Variants in NISCH observed in about 807,000 individuals in gnomAD.
The protein encoded by NISCH is nischarin, also known as I-1 receptor candidate protein.
In NISCH, 55 loss-of-function variants were observed where a neutral mutation model predicts 138.4. The observed-to-expected ratio is 0.40, with a 90% CI of 0.32 to 0.50. NISCH has a LOEUF of 0.50. Ranked by LOEUF, NISCH falls within the 20% of genes least tolerant of loss-of-function variation. The pLI is 0.71. For synonymous variants in NISCH, 860 were observed against 861.5 expected, an observed-to-expected ratio of 1.00 and a Z score of 0.03; for missense variants, 1,643 against 2,005.5, an observed-to-expected ratio of 0.82 and a Z score of 3.45.
rs745659335 is a variant in NISCH at position 52,488,247 on chromosome 3, G to A, written c.2755G>A (p.Val919Ile). 1.1e-5 allele frequency: 18 copies of A among 1,611,118 alleles called. No homozygotes were observed. Among genetic ancestry groups the A allele is most frequent in the South Asian group, 3.3e-5 (3 of 91,084 alleles). The change falls in exon 16 of 21, where the codon GTC becomes ATC. Residue 919 changes from valine (V) to isoleucine (I), a missense_variant. Val to Ile is a conservative substitution (Grantham distance 29, BLOSUM62 3). Transcript: ENST00000345716. ...WLLLTPQHLNVIKADFNPMPN... is the reference protein window; with the variant it reads ...WLLLTPQHLNIIKADFNPMPN... ...GTTGCTCACGCCCCAGCACCTCAAC[G>A]TCATCAAGGCCGACTTCAACCCCAT...
chr3:52,487,200 G>A lies in NISCH; in HGVS notation c.1708G>A (p.Glu570Lys), dbSNP rs1247483537. Residue 570 changes from glutamate to lysine, a missense_variant, in exon 16 of 21, where the codon GAA (glutamate) becomes AAA (lysine). Coordinates refer to ENST00000345716, the MANE Select transcript of NISCH (RefSeq NM_007184.4). The surrounding 1 kb of genome is among the most constrained non-coding windows in gnomAD (Gnocchi z 9.1). ...ACCTGGCCTCTCCCTGCACAGCCCA[G>A]AACATGCCGAGCCGGAGGTCCAGGT... is the stretch of plus-strand genomic sequence containing the variant. Reference protein sequence around the residue: ...VPGAVGGASPEHAEPEVQVVP... With the variant: ...VPGAVGGASPKHAEPEVQVVP... The A allele has an allele frequency of 1.2e-6, 2 of 1,613,198 alleles. No homozygotes were observed. The highest frequency in any genetic ancestry group is 1.7e-6 in the Non-Finnish European group (2 of 1,179,688).
chr3:52,491,941 T>C lies in NISCH; in HGVS notation c.3974T>C (p.Ile1325Thr), dbSNP rs774704457. Residue 1325 changes from isoleucine to threonine, a missense_variant, in exon 21 of 21, where the codon ATT becomes ACT. Physicochemically the swap from Ile to Thr is moderately conservative, Grantham distance 89 (BLOSUM62 -1). Coordinates refer to ENST00000345716, the MANE Select transcript of NISCH (RefSeq NM_007184.4). ...VKFTYPSEEE[I>T]GDLTFTVAQK... is the part of the protein sequence containing the mutation. ...TTTACCTACCCCAGTGAGGAGGAGA[T>C]TGGGGACCTGACGTTCACTGTGGCC... is the stretch of plus-strand genomic sequence containing the variant. 18 of 1,613,404 alleles carry C rather than the reference T, an allele frequency of 1.1e-5. No homozygotes were observed. The highest frequency in any genetic ancestry group is 3.3e-5 in the South Asian group (3 of 91,078).
At chr3:52,480,951 G>A in intron 13 of NISCH, 5 of 1,523,246 alleles carry the variant, frequency 3.3e-6, no homozygotes, top group Middle Eastern at 1.7e-4. Context: ...CGGAAGAGGG[G>A]AGGGTGTGCC....
chr3:52,463,797 C>G (rs558135141), intron 3 of NISCH, among the ~76,000 whole-genome samples: 3 of 140,764 alleles, frequency 2.1e-5, no homozygotes, highest in African/African-American at 7.8e-5. Context: ...GATCCCGGCT[C>G]ACTGCAACCT....
In NISCH at chr3:52,488,096, G is replaced by A; in HGVS notation, c.2604G>A (p.Val868=). 6.2e-7 allele frequency: 1 copy of A among 1,612,908 alleles called. No individual in the cohort carries two copies. Among genetic ancestry groups the A allele is most frequent in the South Asian group, 1.1e-5 (1 of 91,088 alleles). ...VYLVYSDKRM[V]QTAAGDYSGN... Reference sequence around the variant, plus strand: ...TGGTCTACAGTGACAAGCGCATGGTGCAGACGGCCGCCGGGGACTACTCAG... The same window carrying A: ...TGGTCTACAGTGACAAGCGCATGGTACAGACGGCCGCCGGGGACTACTCAG... The change falls in exon 16 of 21, where the codon GTG becomes GTA. Residue 868 remains valine, a synonymous_variant. Transcript: ENST00000345716.
intron 15 of NISCH, chr3:52,486,421 AAC>A (rs1397149817): frequency 1.3e-5 from 2 of 150,380 alleles, no homozygotes; most frequent in African/African-American, 4.9e-5. Flanking sequence ...TGGCTAGAAT[AAC>A]AGTTACTTTT....
chr3:52,457,358 G>C (rs1578270187), intron 1 of NISCH, among the ~76,000 whole-genome samples: 1 of 152,184 alleles, frequency 6.6e-6, no homozygotes, highest in East Asian at 1.9e-4. Context: ...CAGTTGAAAG[G>C]GTTGGAAAAT....
chr3:52,455,663 G>T lies in NISCH; in HGVS notation c.22G>T (p.Gly8Trp). 1 of 1,353,802 alleles carries T rather than the reference G, an allele frequency of 7.4e-7. No individual in the cohort carries two copies. The allele number at this position is 1,353,802 out of a possible 1,614,324, so 83.9% of individuals were successfully genotyped here. A position where few individuals can be genotyped will look rare whatever the true frequency, so the allele number is the denominator to read the frequency against. ...GAACATGGCGACCGCGCGCACCTTC[G>T]GGCCCGAGCGGGAAGCCGAGCCGGC... MATARTF[G>W]PEREAEPAKE... The change falls in exon 1 of 21, where the codon GGG (glycine) becomes TGG (tryptophan). Residue 8 changes from glycine to tryptophan, a missense_variant. Transcript: ENST00000345716.
intron 19 of NISCH, 73 bp downstream of exon 19, chr3:52,490,906 C>A: frequency 6.3e-7 from 1 of 1,579,718 alleles, no homozygotes. Flanking sequence ...ACCTTCCGTA[C>A]GTGGGTGGGT....
Position 52,456,168 on chromosome 3 carries a change from A to G in NISCH, c.93+434A>G, listed in dbSNP as rs76859466. ...ATCAGGGAAAAGGGTCAGGCTTCGC[A>G]GGCCTTGAAGAAAGAGAAGGCGTCA... On this transcript the variant is annotated intron_variant, in intron 1 of 20. Transcript: ENST00000345716. Among the ~76,000 whole-genome samples the G allele has an allele frequency of 9.5e-4, 144 of 152,192 alleles. 3 individuals are homozygous for G. The East Asian group carries it at 0.026, about 27-fold the overall frequency.
rs185921756 is a variant in NISCH, at chr3:52,464,181, T to C, written c.360+5337T>C. On this transcript the variant is annotated intron_variant, in intron 3 of 20. Coordinates refer to ENST00000345716, the MANE Select transcript of NISCH (RefSeq NM_007184.4). ...GGAAGGCTGAGGTGGGCGGATCACTTGAGGCCTGGAGTTCGAGACCAGCCT... is the reference window on the plus strand; with the variant it reads ...GGAAGGCTGAGGTGGGCGGATCACTCGAGGCCTGGAGTTCGAGACCAGCCT... 6.6e-3 allele frequency among the ~76,000 whole-genome samples: 1,007 copies of C among 151,852 alleles called. 48 individuals carry two copies. The highest frequency in any genetic ancestry group is 0.063 in the Admixed American group (963 of 15,254).
At position 52,490,048 on chromosome 3, in the gene NISCH, A is replaced by G. The variant is rs769861479; in HGVS notation, c.3457-27A>G. On this transcript the variant is annotated intron_variant, in intron 17 of 20. Coordinates refer to ENST00000345716, the MANE Select transcript of NISCH (RefSeq NM_007184.4). ...TATGTGCAGGTTGCTAGGGTGGTGGAGCTGACAGGAGGCCCCCCGTCTTCA... is the reference window on the plus strand; with the variant it reads ...TATGTGCAGGTTGCTAGGGTGGTGGGGCTGACAGGAGGCCCCCCGTCTTCA... The G allele has an allele frequency of 9.3e-6, 15 of 1,612,278 alleles. No individual in the cohort carries two copies. In the South Asian group the frequency reaches 1.5e-4, roughly 17 times the overall value.
chr3:52,477,805 A>G (rs1262477051), intron 9 of NISCH, 163 bp downstream of exon 9: 2 of 656,844 alleles, frequency 3.0e-6, no homozygotes, highest in Non-Finnish European at 5.4e-6. Context: ...TTGTTGCTCT[A>G]GTTCCAAAGA....
chr3:52,486,338 A>T (rs1424356278), intron 15 of NISCH: 1 of 153,018 alleles, frequency 6.5e-6, no homozygotes, highest in Non-Finnish European at 1.5e-5. Context: ...CTGGTCTCGA[A>T]CTCCTGAACT....
At chr3:52,481,011 C>T in intron 13 of NISCH, 1 of 1,399,352 alleles carries the variant, frequency 7.1e-7, no homozygotes, top group Non-Finnish European at 9.3e-7. Context: ...ACGCCGCCTG[C>T]CCGGGCTCCT....
chr3:52,477,451 G>A (rs1402655849), intron 8 of NISCH, 123 bp from the exon 9 acceptor site: 2 of 755,210 alleles, frequency 2.6e-6, no homozygotes, highest in Non-Finnish European at 4.6e-6. Flanking sequence ...TGGTCCTGCA[G>A]GGACGGCCCG....
chr3:52,476,233 T>TAA, intron 7 of NISCH: 1 of 574,400 alleles, frequency 1.7e-6, no homozygotes, highest in Non-Finnish European at 3.1e-6. Flanking sequence ...GGCCAGGACT[T>TAA]AATTCTAAGT....
At position 52,490,200 on chromosome 3, in the gene NISCH, C is replaced by T. The variant is rs577897580; in HGVS notation, c.3582C>T (p.Gly1194=). ...CTGTGTACTTTGTGCTCCACGACGG[C>T]CTCCGCCGCTACTTCTCAGAGCCAC... ...TKAVYFVLHD[G]LRRYFSEPLQ... The change falls in exon 18 of 21, where the codon GGC becomes GGT. Residue 1194 remains glycine, a synonymous_variant. Transcript: ENST00000345716. 16 of 1,613,144 alleles carry T rather than the reference C, an allele frequency of 9.9e-6. No individual in the cohort carries two copies. In the Admixed American group the frequency reaches 1.3e-4, roughly 13 times the overall value.
chr3:52,492,763 G>A lies in NISCH; in HGVS notation c.*281G>A, dbSNP rs910495371. ...GCTGTTGTGGGACCGTTGTTAACAC[G>A]TGACACTGTGGGTCTGACTTTCTCT... On this transcript the variant is annotated 3_prime_UTR_variant, in exon 21 of 21. Coordinates refer to ENST00000345716, the MANE Select transcript of NISCH (RefSeq NM_007184.4). 8 of 461,874 alleles carry A rather than the reference G, an allele frequency of 1.7e-5. No individual in the cohort carries two copies. Among genetic ancestry groups the A allele is most frequent in the East Asian group, 1.4e-4 (4 of 29,154 alleles). The allele number at this position is 461,874 out of a possible 1,614,324, so 28.6% of individuals were successfully genotyped here. A position where few individuals can be genotyped will look rare whatever the true frequency, so the allele number is the denominator to read the frequency against.
Sources: gnomAD v4.1 joint callset for allele counts (sites outside exome capture counted in the v4.1 genomes callset) on GRCh38, gnomAD v4.1.1 for gene constraint, Gnocchi (gnomAD v3.1) non-coding constraint, MANE v1.5 for transcripts, NCBI Gene and HGNC (gene_info 2026-07-23, HGNC 2026-07-21) for gene names.